RORB: variants seen among roughly 807,000 people sequenced by gnomAD.
RORB encodes RAR related orphan receptor B.
Under a neutral mutation model 59.1 loss-of-function variants are expected in RORB, and 6 were observed. That is an observed-to-expected ratio of 0.10 (90% CI 0.06 to 0.20). The LOEUF (loss-of-function observed/expected upper bound fraction) is 0.20. Ranked by LOEUF, RORB falls within the 10% of genes least tolerant of loss-of-function variation. The pLI, the probability that RORB is intolerant of heterozygous loss-of-function variation, is 1.00. For missense variants in RORB, 320 were observed against 560.5 expected, an observed-to-expected ratio of 0.57 and a Z score of 4.33; for synonymous variants, 215 against 204.5, an observed-to-expected ratio of 1.05 and a Z score of -0.44.
chr9:74,662,448 T>C (rs763160975), intron 5 of RORB, 26 bp from the exon 6 acceptor site: 1 of 1,612,974 alleles, frequency 6.2e-7, no homozygotes, highest in South Asian at 1.1e-5. Flanking sequence ...TTGCCCTATT[T>C]ACATTCTGTG....
intron 1 of RORB, among the ~76,000 whole-genome samples, chr9:74,572,676 ATT>A (rs540287873): frequency 1.3e-5 from 2 of 151,988 alleles, no homozygotes; most frequent in African/African-American, 4.8e-5. Context: ...CCCTTGGAAT[ATT>A]TTTTCTTTCT....
At chr9:74,501,013 C>T (rs1301007050) in intron 1 of RORB, among the ~76,000 whole-genome samples, 1 of 152,144 alleles carries the variant, frequency 6.6e-6, no homozygotes, top group East Asian at 1.9e-4. Flanking sequence ...TTGGGCCCAT[C>T]ACTAGGTGAG....
chr9:74,621,343 T>C (rs1468994543), intron 1 of RORB, among the ~76,000 whole-genome samples: 2 of 152,232 alleles, frequency 1.3e-5, no homozygotes, highest in African/African-American at 4.8e-5. Flanking sequence ...AAAAATATTA[T>C]GTAGCTGGAA....
At chr9:74,672,596 C>A (rs1211945234) in intron 9 of RORB, among the ~76,000 whole-genome samples, 1 of 152,000 alleles carries the variant, frequency 6.6e-6, no homozygotes, top group Non-Finnish European at 1.5e-5. Context: ...TAAGAATGAT[C>A]TTTAATAAGA....
At chr9:74,539,757 T>G (rs1298676365) in intron 1 of RORB, among the ~76,000 whole-genome samples, 1 of 152,084 alleles carries the variant, frequency 6.6e-6, no homozygotes, top group East Asian at 1.9e-4. Flanking sequence ...GGGCCAGCTT[T>G]TACTATGAAT....
chr9:74,535,548 C>A (rs1450138157), intron 1 of RORB, among the ~76,000 whole-genome samples: 1 of 151,442 alleles, frequency 6.6e-6, no homozygotes, highest in Non-Finnish European at 1.5e-5. Context: ...GCCCCCCCAC[C>A]CACACACACA....
At chr9:74,601,877 G>A (rs1421926259) in intron 1 of RORB, among the ~76,000 whole-genome samples, 2 of 152,160 alleles carry the variant, frequency 1.3e-5, no homozygotes, top group Non-Finnish European at 2.9e-5. Flanking sequence ...CCCACTAGAA[G>A]AGATGAGTTG....
intron 1 of RORB, among the ~76,000 whole-genome samples, chr9:74,507,603 A>C (rs1489951951): frequency 6.6e-6 from 1 of 152,076 alleles, no homozygotes; most frequent in Non-Finnish European, 1.5e-5. Context: ...ACCAGAATAA[A>C]CACTCAAATC....
intron 2 of RORB, among the ~76,000 whole-genome samples, 165 bp from the exon 3 acceptor site, chr9:74,634,466 C>T (rs3750420): frequency 0.3 from 44,969 of 152,108 alleles, 7,125 homozygotes; most frequent in East Asian, 0.56. Flanking sequence ...CATCTATTTT[C>T]CCCAGCAGAA....
At chr9:74,541,279 C>CAAAAAAAAAAAAAAAAA (rs374556016) in intron 1 of RORB, among the ~76,000 whole-genome samples, 12 of 43,570 alleles carry the variant, frequency 2.8e-4, no homozygotes, top group African/African-American at 1.1e-3. Flanking sequence ...GACTCCATCT[C>CAAAAAAAAAAAAAAAAA]AAAAAAAAAA....
intron 4 of RORB, among the ~76,000 whole-genome samples, chr9:74,655,626 A>G (rs1251758916): frequency 6.6e-6 from 1 of 152,176 alleles, no homozygotes; most frequent in Non-Finnish European, 1.5e-5. Flanking sequence ...GGACTCTTGA[A>G]AGTTCCTTTG....
intron 4 of RORB, among the ~76,000 whole-genome samples, chr9:74,650,836 TA>T (rs760483742): frequency 6.6e-6 from 1 of 152,182 alleles, no homozygotes; most frequent in Non-Finnish European, 1.5e-5. Context: ...TTAGAAAATA[TA>T]AAAATGACCT....
chr9:74,645,750 A>G (rs1377427800), intron 4 of RORB, among the ~76,000 whole-genome samples: 2 of 152,148 alleles, frequency 1.3e-5, no homozygotes, highest in Non-Finnish European at 2.9e-5. Flanking sequence ...TATTTTACTG[A>G]TGGAAAAATC....
Position 74,523,631 on chromosome 9 carries a change from C to T in RORB, c.7+25648C>T, listed in dbSNP as rs375065761. On this transcript the variant is annotated intron_variant, in intron 1 of 9. Coordinates refer to ENST00000376896, the MANE Select transcript of RORB (RefSeq NM_006914.4). ...GAGCTTTCAAAATAAACTCGTTGGC[C>T]TGATTGCCAGTGCCCTATAATCAGA... Among the ~76,000 whole-genome samples, 252 of 152,004 alleles carry T rather than the reference C, an allele frequency of 1.7e-3. 11 individuals carry two copies. The South Asian group carries it at 0.051, about 31-fold the overall frequency.
chr9:74,657,521 T>C lies in RORB; in HGVS notation c.638-3096T>C, dbSNP rs141948952. Among the ~76,000 whole-genome samples the C allele has an allele frequency of 3.8e-3, 585 of 152,280 alleles. 1 individual carries two copies. Among genetic ancestry groups the C allele is most frequent in the African/African-American group, 0.013 (536 of 41,564 alleles). ...CCTTCATAACATCATTCCCTCTACCTGGGATACATCTTTCTCTTCTCCATG... is the reference window on the plus strand; with the variant it reads ...CCTTCATAACATCATTCCCTCTACCCGGGATACATCTTTCTCTTCTCCATG... On this transcript the variant is annotated intron_variant, in intron 4 of 9. Coordinates refer to ENST00000376896, the MANE Select transcript of RORB (RefSeq NM_006914.4).
At chr9:74,665,451 T>C (rs746175653) in intron 6 of RORB, 37 bp from the exon 7 acceptor site, 64 of 1,335,106 alleles carry the variant, frequency 4.8e-5, no homozygotes, top group Non-Finnish European at 6.5e-5. Flanking sequence ...TATATGTGTA[T>C]TTTTATTTTA....
chr9:74,516,548 G>A (rs1009244845), intron 1 of RORB, among the ~76,000 whole-genome samples: 2 of 151,646 alleles, frequency 1.3e-5, no homozygotes, highest in Admixed American at 6.6e-5. Flanking sequence ...TTGAACTTTT[G>A]AAAAAAAGGA....
intron 3 of RORB, among the ~76,000 whole-genome samples, chr9:74,638,917 G>A (rs1823748088): frequency 6.6e-6 from 1 of 152,206 alleles, no homozygotes; most frequent in South Asian, 2.1e-4. Flanking sequence ...AAATGTAGTA[G>A]TTTTAAGTTG....
chr9:74,671,839 A>G lies in RORB; in HGVS notation c.1162A>G (p.Ile388Val). The G allele has an allele frequency of 6.2e-7, 1 of 1,613,012 alleles. No individual in the cohort carries two copies. Among genetic ancestry groups the G allele is most frequent in the South Asian group, 1.1e-5 (1 of 90,934 alleles). ...PRKVQKLQEK[I>V]YFALQHVIQK... The stretch of plus-strand genomic sequence containing the variant: ...GAAAGTCCAGAAGCTTCAGGAAAAA[A>G]TTTATTTTGCACTTCAACATGTGAT... Residue 388 changes from isoleucine to valine, a missense_variant, in exon 9 of 10, where the codon ATT (isoleucine) becomes GTT (valine). Around this residue, in one of 4 missense-constraint regions of RORB, gnomAD observed 109 missense variants for 171.0 expected, o/e 0.64. Coordinates refer to ENST00000376896, the MANE Select transcript of RORB (RefSeq NM_006914.4).
Sources: gnomAD v4.1 joint callset for allele counts (sites outside exome capture counted in the v4.1 genomes callset) on GRCh38, gnomAD v4.1.1 for gene constraint, gnomAD v4.1.1 regional missense constraint, MANE v1.5 for transcripts, NCBI Gene and HGNC (gene_info 2026-07-23, HGNC 2026-07-21) for gene names.